The following ZNF850 variants were observed in gnomAD, a reference collection of about 807,000 sequenced individuals.
ZNF850 encodes zinc finger protein 850.
In ZNF850, 2 loss-of-function variants were observed where a neutral mutation model predicts 11.9. That is an observed-to-expected ratio of 0.17 (90% CI 0.07 to 0.53). ZNF850 has a LOEUF of 0.53. Among genes scored for constraint, ZNF850 ranks in the 20% least tolerant of loss-of-function variants. The pLI is 0.94. For synonymous variants in ZNF850, 381 were observed against 443.0 expected, an observed-to-expected ratio of 0.86 and a Z score of 1.76; for missense variants, 1,014 against 1,316.4, an observed-to-expected ratio of 0.77 and a Z score of 3.55.
At chr19:36,762,757 C>G (rs180778774) in intron 1 of ZNF850, 82 bp from the exon 2 acceptor site, 11 of 755,168 alleles carry the variant, frequency 1.5e-5, no homozygotes, top group Non-Finnish European at 2.1e-5. Flanking sequence ...AGCTGTAGGC[C>G]TAGCAAAGCT....
At chr19:36,763,154 G>A (rs575875916) in intron 1 of ZNF850, among the ~76,000 whole-genome samples, 217 of 152,100 alleles carry the variant, frequency 1.4e-3, no homozygotes, top group Non-Finnish European at 2.4e-3. Context: ...GCCTCCCAAA[G>A]TGCTGGGATT....
chr19:36,767,943 A>G (rs1240585449), intron 1 of ZNF850, among the ~76,000 whole-genome samples: 1 of 152,224 alleles, frequency 6.6e-6, no homozygotes, highest in East Asian at 1.9e-4. Flanking sequence ...GTTTTCCAGT[A>G]CACTGAGACA....
chr19:36,764,519 G>A (rs2040538071), intron 1 of ZNF850, among the ~76,000 whole-genome samples: 1 of 152,132 alleles, frequency 6.6e-6, no homozygotes, highest in African/African-American at 2.4e-5. Flanking sequence ...GAGACCTCAA[G>A]ACCCAATTAG....
At chr19:36,769,302 A>G (rs1434688323) in intron 1 of ZNF850, among the ~76,000 whole-genome samples, 1 of 133,336 alleles carries the variant, frequency 7.5e-6, no homozygotes, top group African/African-American at 2.8e-5. Flanking sequence ...GAAAGAAAGA[A>G]AGAAAAAGAA....
intron 1 of ZNF850, 57 bp from the exon 2 acceptor site, chr19:36,762,732 C>G: frequency 1.0e-6 from 1 of 996,234 alleles, no homozygotes; most frequent in South Asian, 1.5e-5. Context: ...AACTAGAGTA[C>G]AAAAGCACAC....
intron 4 of ZNF850, among the ~76,000 whole-genome samples, chr19:36,757,865 G>C (rs538441206): frequency 6.6e-6 from 1 of 151,626 alleles, no homozygotes; most frequent in Non-Finnish European, 1.5e-5. Context: ...TCTGCCACCC[G>C]GGCTGGAATG....
At position 36,744,035 on chromosome 19, in the gene ZNF850, G is replaced by A. The variant is rs527764058; in HGVS notation, c.*3732C>T. On this transcript the variant is annotated 3_prime_UTR_variant, in exon 5 of 5. Transcript: ENST00000591344. ...TCTATTAAAAATACAAAATTAGCCG[G>A]GCGTGGTGGTGCATGCCTGTAATCC... is the stretch of plus-strand genomic sequence containing the variant. 6.6e-6 allele frequency: 1 copy of A among 152,132 alleles called. No individual in the cohort carries two copies. Among genetic ancestry groups the A allele is most frequent in the African/African-American group, 2.4e-5 (1 of 41,384 alleles). 9.4% of individuals were successfully genotyped at this position (152,132 alleles called of 1,614,324 possible).
chr19:36,751,983 T>C (rs2040456753), intron 4 of ZNF850, among the ~76,000 whole-genome samples: 1 of 152,140 alleles, frequency 6.6e-6, no homozygotes, highest in Non-Finnish European at 1.5e-5. Context: ...AAGTTTACTT[T>C]TTTAAAGTGA....
rs989622924 is a variant in ZNF850 at position 36,744,398 on chromosome 19, G to T, written c.*3369C>A. 5.3e-4 allele frequency: 81 copies of T among 152,076 alleles called. No homozygotes were observed. The highest frequency in any genetic ancestry group is 1.8e-3 in the African/African-American group (76 of 41,384). 9.4% of individuals were successfully genotyped at this position (152,076 alleles called of 1,614,324 possible). On this transcript the variant is annotated 3_prime_UTR_variant, in exon 5 of 5. Coordinates refer to ENST00000591344, the MANE Select transcript of ZNF850 (RefSeq NM_001193552.2). ...ATCCCAGCACCTAGGAGGCTGAGGT[G>T]CTAGGACCAATTGAGCCCAAGAGTT...
rs2040416774 is a variant in ZNF850, at chr19:36,747,273, T to A, written c.*494A>T. 1.3e-5 allele frequency: 2 copies of A among 153,460 alleles called. No homozygotes were observed. The allele number at this position is 153,460 out of a possible 1,614,324, so 9.5% of individuals were successfully genotyped here. On this transcript the variant is annotated 3_prime_UTR_variant, in exon 5 of 5. Coordinates refer to ENST00000591344, the MANE Select transcript of ZNF850 (RefSeq NM_001193552.2). ...CTAATGTCACGTAGGTAGTAAATGGTTGTCTTTTGTCATTGACCACATTCT... is the reference window on the plus strand; with the variant it reads ...CTAATGTCACGTAGGTAGTAAATGGATGTCTTTTGTCATTGACCACATTCT...
chr19:36,762,861 GT>G (rs559229877), intron 1 of ZNF850, among the ~76,000 whole-genome samples, 186 bp from the exon 2 acceptor site: 102 of 146,598 alleles, frequency 7.0e-4, no homozygotes, highest in Middle Eastern at 3.5e-3. Context: ...TTTCTTTCTT[GT>G]TTTTTTTTTT....
intron 4 of ZNF850, among the ~76,000 whole-genome samples, chr19:36,761,059 G>T (rs1400268308): frequency 6.6e-6 from 1 of 152,120 alleles, no homozygotes; most frequent in Non-Finnish European, 1.5e-5. Flanking sequence ...GAGGAAACAG[G>T]ATGGCTCCCG....
rs2040404974 is a variant in ZNF850 at position 36,745,261 on chromosome 19, G to A, written c.*2506C>T. On this transcript the variant is annotated 3_prime_UTR_variant, in exon 5 of 5. Transcript: ENST00000591344. Reference sequence around the variant, plus strand: ...ATCAACAGATATGTTTTAGAGAAGTGTTAAATTTTTTAAACGCAAGTGTAA... The same window carrying A: ...ATCAACAGATATGTTTTAGAGAAGTATTAAATTTTTTAAACGCAAGTGTAA... The A allele has an allele frequency of 6.6e-6, 1 of 152,084 alleles. No individual in the cohort carries two copies. Among genetic ancestry groups the A allele is most frequent in the Non-Finnish European group, 1.5e-5 (1 of 68,044 alleles). 9.4% of individuals were successfully genotyped at this position (152,084 alleles called of 1,614,324 possible).
At chr19:36,771,485 C>T (rs1180763301) in intron 1 of ZNF850, among the ~76,000 whole-genome samples, 1 of 147,228 alleles carries the variant, frequency 6.8e-6, no homozygotes, top group East Asian at 2.0e-4. Flanking sequence ...AAAGTTTGGC[C>T]CGGGACCAAT....
intron 1 of ZNF850, among the ~76,000 whole-genome samples, chr19:36,765,232 C>T (rs111424563): frequency 0.015 from 2,328 of 152,264 alleles, 66 homozygotes; most frequent in African/African-American, 0.053. Flanking sequence ...TAGATTAAAA[C>T]CAGCAGGCCA....
chr19:36,756,850 G>A (rs1299646071), intron 4 of ZNF850, among the ~76,000 whole-genome samples: 7 of 152,146 alleles, frequency 4.6e-5, no homozygotes, highest in Non-Finnish European at 1.0e-4. Flanking sequence ...TCCTGACCTC[G>A]TGATCCACCC....
At position 36,749,538 on chromosome 19, in the gene ZNF850, C is replaced by T; in HGVS notation, c.1502G>A (p.Gly501Asp). The change falls in exon 5 of 5, where the codon GGT becomes GAT. Residue 501 changes from glycine to aspartate, a missense_variant. Coordinates refer to ENST00000591344, the MANE Select transcript of ZNF850 (RefSeq NM_001193552.2). ...TRNRHQRIHT[G>D]EKPYNCKECG... ...TTCTTTACAATTATAGGGTTTCTCA[C>T]CAGTGTGGATTCGCTGGTGTCGATT... The T allele has an allele frequency of 6.5e-7, 1 of 1,546,050 alleles. No individual in the cohort carries two copies. Among genetic ancestry groups the T allele is most frequent in the African/African-American group, 1.4e-5 (1 of 73,196 alleles).
Position 36,750,614 on chromosome 19 carries a change from T to C in ZNF850, c.426A>G (p.Ile142Met). 1 of 1,536,102 alleles carries C rather than the reference T, an allele frequency of 6.5e-7. No individual in the cohort carries two copies. The highest frequency in any genetic ancestry group is 1.4e-5 in the African/African-American group (1 of 73,146). Residue 142 changes from isoleucine (I) to methionine (M), a missense_variant, in exon 5 of 5, where the codon ATA becomes ATG. Around this residue, in one of 2 missense-constraint regions of ZNF850, gnomAD observed 835 missense variants for 1,022.0 expected, o/e 0.82. Transcript: ENST00000591344. ...AAGTTGGTGTTGTTTCATAAGTCATTATTGCTTTTTCCAAATATCGCTCCT... is the reference window on the plus strand; with the variant it reads ...AAGTTGGTGTTGTTTCATAAGTCATCATTGCTTTTTCCAAATATCGCTCCT... ...INQERYLEKA[I>M]MTYETTPTFC...
rs1052521248 is a variant in ZNF850, at chr19:36,745,378, A to G, written c.*2389T>C. On this transcript the variant is annotated 3_prime_UTR_variant, in exon 5 of 5. Coordinates refer to ENST00000591344, the MANE Select transcript of ZNF850 (RefSeq NM_001193552.2). ...TTTATTGAAGTGTAATTTACATATA[A>G]TAAAATGCAACCATATGTCTACATT... is the stretch of plus-strand genomic sequence containing the variant. 6.6e-6 allele frequency: 1 copy of G among 152,198 alleles called. No homozygotes were observed. Among genetic ancestry groups the G allele is most frequent in the Non-Finnish European group, 1.5e-5 (1 of 68,018 alleles). 9.4% of individuals were successfully genotyped at this position (152,198 alleles called of 1,614,324 possible).
Sources: gnomAD v4.1 joint callset for allele counts (sites outside exome capture counted in the v4.1 genomes callset) on GRCh38, gnomAD v4.1.1 for gene constraint, gnomAD v4.1.1 regional missense constraint, MANE v1.5 for transcripts, NCBI Gene and HGNC (gene_info 2026-07-23, HGNC 2026-07-21) for gene names.